The following ZNF736 variants were observed in gnomAD, a reference collection of about 807,000 sequenced individuals.
ZNF736 encodes zinc finger protein 736.
ZNF736 carries 6 observed loss-of-function variants against 11.7 expected under a neutral mutation model. The observed-to-expected ratio is 0.51, with a 90% CI of 0.28 to 1.01. The LOEUF (loss-of-function observed/expected upper bound fraction) is 1.01, where lower values mean the gene tolerates loss of function less well. ZNF736 is among the 50% of genes least tolerant of loss of function. The pLI is 0.09. For missense variants in ZNF736, 444 were observed against 496.0 expected (o/e 0.90, Z 1.00); for synonymous variants, 139 against 164.7 (o/e 0.84, Z 1.19).
Position 64,352,656 on chromosome 7 carries a change from G to A in ZNF736, c.*3509G>A, listed in dbSNP as rs1171223107. Reference sequence around the variant, plus strand: ...CTCATTGGGAAGTACTTTCCAGTGAGAAGGAATGAAACGGGGGACCTGCTT... The same window carrying A: ...CTCATTGGGAAGTACTTTCCAGTGAAAAGGAATGAAACGGGGGACCTGCTT... On this transcript the variant is annotated 3_prime_UTR_variant, in exon 4 of 4. Transcript: ENST00000423484. 2.0e-5 allele frequency: 3 copies of A among 152,362 alleles called. No homozygotes were observed. Among genetic ancestry groups the A allele is most frequent in the African/African-American group, 7.2e-5 (3 of 41,470 alleles). The allele number at this position is 152,362 out of a possible 1,614,324, so 9.4% of individuals were successfully genotyped here.
chr7:64,335,243 G>A (rs1245691176), intron 1 of ZNF736, among the ~76,000 whole-genome samples: 2 of 151,836 alleles, frequency 1.3e-5, no homozygotes, highest in African/African-American at 4.8e-5. Flanking sequence ...AATCCACCAT[G>A]ACACATGTAT....
At chr7:64,328,070 C>T (rs550166566) in intron 1 of ZNF736, among the ~76,000 whole-genome samples, 1 of 131,430 alleles carries the variant, frequency 7.6e-6, no homozygotes, top group Non-Finnish European at 1.6e-5. Context: ...TTACACACCA[C>T]ATTTATAGTA....
intron 3 of ZNF736, chr7:64,337,216 T>G (rs1789265825): frequency 2.2e-4 from 79 of 365,988 alleles, no homozygotes; most frequent in Middle Eastern, 6.9e-4. Context: ...TGTGTGTGTT[T>G]TGTTTTGTTT....
At chr7:64,343,656 G>A (rs1789369446) in intron 3 of ZNF736, among the ~76,000 whole-genome samples, 1 of 152,070 alleles carries the variant, frequency 6.6e-6, no homozygotes, top group South Asian at 2.1e-4. Flanking sequence ...ATTATTGTTT[G>A]GTAGTACACT....
At chr7:64,345,115 C>T (rs2115959119) in intron 3 of ZNF736, among the ~76,000 whole-genome samples, 2 of 151,842 alleles carry the variant, frequency 1.3e-5, no homozygotes, top group East Asian at 3.9e-4. Flanking sequence ...GCTCTGCCTC[C>T]CTGGTTCACA....
At chr7:64,332,226 T>C (rs57374192) in intron 1 of ZNF736, among the ~76,000 whole-genome samples, 7,630 of 152,246 alleles carry the variant, frequency 0.05, 477 homozygotes, top group East Asian at 0.35. Flanking sequence ...TCGGGGAACC[T>C]GCCCCCAGTC....
chr7:64,346,520 C>T (rs2115964395), intron 3 of ZNF736, among the ~76,000 whole-genome samples: 1 of 149,856 alleles, frequency 6.7e-6, no homozygotes, highest in East Asian at 2.0e-4. Context: ...CTGTTCCCTT[C>T]TTGCCTGAAA....
intron 3 of ZNF736, among the ~76,000 whole-genome samples, chr7:64,343,953 C>CTTTT (rs142010013): frequency 2.7e-5 from 4 of 147,976 alleles, no homozygotes; most frequent in African/African-American, 7.6e-5. Flanking sequence ...TGTATATTTG[C>CTTTT]TTTTTTTTTT....
chr7:64,348,368 A>G lies in ZNF736; in HGVS notation c.505A>G (p.Arg169Gly), dbSNP rs1444694270. The change falls in exon 4 of 4, where the codon AGA becomes GGA. Residue 169 changes from arginine (R) to glycine (G), a missense_variant. By Grantham distance (125) the Arg-to-Gly change is moderately radical (BLOSUM62 -2). Coordinates refer to ENST00000423484, the MANE Select transcript of ZNF736 (RefSeq NM_001170905.3). ...CACTGAACATAAAGACATTTTTAGC[A>G]GAGAGAAATGCCACAAATGTGAAGA... ...IFTEHKDIFS[R>G]EKCHKCEECG... The G allele has an allele frequency of 1.9e-6, 3 of 1,551,232 alleles. No homozygotes were observed. The highest frequency in any genetic ancestry group is 4.9e-5 in the East Asian group (2 of 40,928).
chr7:64,326,208 A>G (rs1789080395), intron 1 of ZNF736, among the ~76,000 whole-genome samples: 1 of 152,232 alleles, frequency 6.6e-6, no homozygotes, highest in South Asian at 2.1e-4. Flanking sequence ...CAGAATTACC[A>G]GACAGGATAT....
At position 64,329,613 on chromosome 7, in the gene ZNF736, A is replaced by ATT. The variant is rs370299794; in HGVS notation, c.4-6645_4-6644insTT. Among the ~76,000 whole-genome samples, 629 of 151,656 alleles carry ATT rather than the reference A, an allele frequency of 4.1e-3. 3 individuals carry two copies. Among genetic ancestry groups the ATT allele is most frequent in the African/African-American group, 0.013 (538 of 41,292 alleles). On this transcript the variant is annotated intron_variant, in intron 1 of 3. Transcript: ENST00000423484. ...TTTTACATTCTGCCAAATAAATGGA[A>ATT]TCTCTCTCTCTCTGCATGCTGAGCT...
intron 1 of ZNF736, among the ~76,000 whole-genome samples, chr7:64,317,311 A>G (rs1226836577): frequency 6.6e-6 from 1 of 152,180 alleles, no homozygotes; most frequent in Non-Finnish European, 1.5e-5. Context: ...ATTTTTAATC[A>G]TGTGTTCATG....
intron 1 of ZNF736, among the ~76,000 whole-genome samples, chr7:64,329,627 G>C (rs7800253): frequency 0.044 from 6,558 of 147,432 alleles, 185 homozygotes; most frequent in African/African-American, 0.092. Context: ...CTCTCTCTCT[G>C]CATGCTGAGC....
At chr7:64,346,851 A>G (rs1452701901) in intron 3 of ZNF736, among the ~76,000 whole-genome samples, 2 of 149,342 alleles carry the variant, frequency 1.3e-5, no homozygotes, top group Non-Finnish European at 3.0e-5. Context: ...TTTAATTTCC[A>G]TTTTACTCAT....
intron 1 of ZNF736, among the ~76,000 whole-genome samples, chr7:64,329,191 C>CT (rs1376435433): frequency 1.3e-5 from 2 of 151,240 alleles, no homozygotes; most frequent in African/African-American, 4.9e-5. Context: ...TTTTGCTGAG[C>CT]TTTTTTGAAT....
Position 64,348,467 on chromosome 7 carries a change from A to G in ZNF736, c.604A>G (p.Lys202Glu). The G allele has an allele frequency of 6.4e-7, 1 of 1,552,430 alleles. No individual in the cohort carries two copies. The highest frequency in any genetic ancestry group is 8.7e-7 in the Non-Finnish European group (1 of 1,148,180). Residue 202 changes from lysine (K) to glutamate (E), a missense_variant, in exon 4 of 4, where the codon AAA (lysine) becomes GAA (glutamate). Coordinates refer to ENST00000423484, the MANE Select transcript of ZNF736 (RefSeq NM_001170905.3). ...AATTCATACTGTAGAGAGATGCTAC[A>G]AATGTGAAGAATGTGGCAAAGCGTT... Reference protein sequence around the residue: ...KKIHTVERCYKCEECGKAFKK... With the variant: ...KKIHTVERCYECEECGKAFKK...
In ZNF736 at chr7:64,354,776, C is replaced by A. The variant is rs2115992412; in HGVS notation, c.*5629C>A. ...TTCAATTAGAGAATGCTATTGAATC[C>A]AGTTTTTGTTTAGTTACTGTTCATT... On this transcript the variant is annotated 3_prime_UTR_variant, in exon 4 of 4. Coordinates refer to ENST00000423484, the MANE Select transcript of ZNF736 (RefSeq NM_001170905.3). The A allele has an allele frequency of 6.6e-6, 1 of 152,170 alleles. No homozygotes were observed. Among genetic ancestry groups the A allele is most frequent in the African/African-American group, 2.4e-5 (1 of 41,542 alleles). The allele number at this position is 152,170 out of a possible 1,614,324, so 9.4% of individuals were successfully genotyped here.
rs548723506 is a variant in ZNF736, at chr7:64,349,831, A to G, written c.*684A>G. The G allele has an allele frequency of 6.6e-6, 1 of 152,426 alleles. No individual in the cohort carries two copies. Among genetic ancestry groups the G allele is most frequent in the Non-Finnish European group, 1.5e-5 (1 of 68,094 alleles). 9.4% of individuals were successfully genotyped at this position (152,426 alleles called of 1,614,324 possible). A position where few individuals can be genotyped will look rare whatever the true frequency, so the allele number is the denominator to read the frequency against. ...TACTTCTGAAGCTTACCTTGGTCAG[A>G]TATGAAATTCTGTGTTGGAATTCTT... On this transcript the variant is annotated 3_prime_UTR_variant, in exon 4 of 4. Transcript: ENST00000423484.
intron 3 of ZNF736, among the ~76,000 whole-genome samples, chr7:64,347,017 A>G (rs1473232573): frequency 1.3e-5 from 2 of 149,682 alleles, no homozygotes; most frequent in African/African-American, 4.9e-5. Flanking sequence ...TCTTTGAGCC[A>G]TATTATCTTG....
Sources: gnomAD v4.1 joint callset for allele counts (sites outside exome capture counted in the v4.1 genomes callset) on GRCh38, gnomAD v4.1.1 for gene constraint, MANE v1.5 for transcripts, NCBI Gene and HGNC (gene_info 2026-07-23, HGNC 2026-07-21) for gene names.